Variants in ASCC3 observed in about 807,000 individuals in gnomAD.
ASCC3 encodes activating signal cointegrator 1 complex subunit 3, also known as ASC-1 complex subunit P200.
ASCC3 carries 158 observed loss-of-function variants against 256.3 expected under a neutral mutation model. That is an observed-to-expected ratio of 0.62 (90% CI 0.54 to 0.70). ASCC3 has a LOEUF of 0.70. Ranked by LOEUF, ASCC3 falls within the 30% of genes least tolerant of loss-of-function variation. ASCC3 has a pLI of 0.00. For missense variants in ASCC3, 2,259 were observed against 2,626.0 expected (o/e 0.86, Z 3.05); for synonymous variants, 948 against 883.4 (o/e 1.07, Z -1.30).
At chr6:100,605,923 A>C (rs1772861369) in intron 32 of ASCC3, among the ~76,000 whole-genome samples, 1 of 152,126 alleles carries the variant, frequency 6.6e-6, no homozygotes, top group Non-Finnish European at 1.5e-5. Context: ...TGAAAAACTG[A>C]GTCTTTGAAA....
At chr6:100,620,671 G>A (rs911118819) in intron 30 of ASCC3, among the ~76,000 whole-genome samples, 5 of 151,984 alleles carry the variant, frequency 3.3e-5, no homozygotes, top group Admixed American at 6.6e-5. Context: ...ATAGTTGCCG[G>A]GATAACTGCT....
In ASCC3 at chr6:100,573,938, T is replaced by C. The variant is rs115542190; in HGVS notation, c.5550+15696A>G. Among the ~76,000 whole-genome samples the C allele has an allele frequency of 3.0e-3, 458 of 152,236 alleles. 4 individuals are homozygous for C. Among genetic ancestry groups the C allele is most frequent in the African/African-American group, 0.011 (447 of 41,550 alleles). ...CCCCGGGGAGCTTGGTGTTCCAATC[T>C]TGCCCATAGGATAGGCTGGTAACTC... On this transcript the variant is annotated intron_variant, in intron 36 of 41. Transcript: ENST00000369162.
chr6:100,812,390 T>C (rs1261965746), intron 4 of ASCC3, among the ~76,000 whole-genome samples: 1 of 151,914 alleles, frequency 6.6e-6, no homozygotes, highest in Non-Finnish European at 1.5e-5. Flanking sequence ...AAGTAGGCAT[T>C]GTAAATATGT....
chr6:100,512,794 T>C lies in ASCC3; in HGVS notation c.6200A>G (p.Asp2067Gly). 6.2e-7 allele frequency: 1 copy of C among 1,614,154 alleles called. No individual in the cohort carries two copies. The highest frequency in any genetic ancestry group is 8.5e-7 in the Non-Finnish European group (1 of 1,179,988). The change falls in exon 40 of 42, where the codon GAT becomes GGT. Residue 2067 changes from aspartate to glycine, a missense_variant. Coordinates refer to ENST00000369162, the MANE Select transcript of ASCC3 (RefSeq NM_006828.4). ...SVSTLTADKR[D>G]DNKWIKLHAD... ...ATGCAATTTGATCCATTTGTTGTCATCTCGTTTGTCTGCAGTCAGAGTTGA... is the reference window on the plus strand; with the variant it reads ...ATGCAATTTGATCCATTTGTTGTCACCTCGTTTGTCTGCAGTCAGAGTTGA...
At chr6:100,847,066 T>C (rs559919173) in intron 4 of ASCC3, among the ~76,000 whole-genome samples, 2 of 152,272 alleles carry the variant, frequency 1.3e-5, no homozygotes, top group Admixed American at 1.3e-4. Flanking sequence ...TCAGATTCAG[T>C]TACATACTTT....
intron 25 of ASCC3, 38 bp downstream of exon 25, chr6:100,638,563 T>A (rs1774958982): frequency 6.6e-7 from 1 of 1,505,714 alleles, no homozygotes. Flanking sequence ...ATGAACTGTC[T>A]TTTCTAATTA....
chr6:100,543,020 AG>A (rs1467192556), intron 36 of ASCC3, among the ~76,000 whole-genome samples: 1 of 152,258 alleles, frequency 6.6e-6, no homozygotes, highest in African/African-American at 2.4e-5. Flanking sequence ...ATACATAATT[AG>A]AGTTTATTAT....
chr6:100,694,155 T>G (rs1777967376), intron 13 of ASCC3, among the ~76,000 whole-genome samples: 1 of 151,818 alleles, frequency 6.6e-6, no homozygotes, highest in Non-Finnish European at 1.5e-5. Context: ...GGGAAAAAAA[T>G]TGGTAAAAAT....
At chr6:100,568,499 A>C (rs1306881633) in intron 36 of ASCC3, among the ~76,000 whole-genome samples, 1 of 151,764 alleles carries the variant, frequency 6.6e-6, no homozygotes, top group Non-Finnish European at 1.5e-5. Flanking sequence ...TCTTCTTTTG[A>C]GAAGTGTCTG....
At chr6:100,645,686 G>C (rs963603822) in intron 22 of ASCC3, among the ~76,000 whole-genome samples, 4 of 151,926 alleles carry the variant, frequency 2.6e-5, no homozygotes, top group African/African-American at 9.7e-5. Context: ...TACAAAAATA[G>C]ATCTTTAAAA....
intron 30 of ASCC3, among the ~76,000 whole-genome samples, chr6:100,618,871 T>G (rs1562171615): frequency 6.6e-6 from 1 of 152,218 alleles, no homozygotes; most frequent in Non-Finnish European, 1.5e-5. Flanking sequence ...TTATACATCA[T>G]GACGATACCC....
At chr6:100,545,131 C>A (rs1775648440) in intron 36 of ASCC3, among the ~76,000 whole-genome samples, 2 of 152,118 alleles carry the variant, frequency 1.3e-5, no homozygotes, top group African/African-American at 4.8e-5. Context: ...TCTCAGCAAA[C>A]TAAGAAAAGG....
At chr6:100,521,600 T>TA (rs1387667938) in intron 37 of ASCC3, among the ~76,000 whole-genome samples, 1 of 152,168 alleles carries the variant, frequency 6.6e-6, no homozygotes, top group Non-Finnish European at 1.5e-5. Context: ...AGGCATCCAC[T>TA]GGGGGTCTTG....
At position 100,671,308 on chromosome 6, in the gene ASCC3, A is replaced by G. The variant is rs1473748692; in HGVS notation, c.2286+8310T>C. Among the ~76,000 whole-genome samples the G allele has an allele frequency of 5.9e-5, 9 of 152,130 alleles. No individual in the cohort carries two copies. The East Asian group carries it at 1.2e-3, about 20-fold the overall frequency. ...CATCAGAAAAATCACTGCTTTTTCT[A>G]CTCGGTTCTCCAAAGCTAGCACTAC... On this transcript the variant is annotated intron_variant, in intron 14 of 41. Coordinates refer to ENST00000369162, the MANE Select transcript of ASCC3 (RefSeq NM_006828.4).
intron 8 of ASCC3, among the ~76,000 whole-genome samples, chr6:100,790,774 T>C (rs1001338825): frequency 6.6e-5 from 10 of 151,996 alleles, no homozygotes; most frequent in Admixed American, 3.9e-4. Context: ...GAAAATTATT[T>C]TGTTTGATTA....
intron 14 of ASCC3, among the ~76,000 whole-genome samples, chr6:100,664,143 A>C (rs901009541): frequency 2.0e-5 from 3 of 152,150 alleles, no homozygotes; most frequent in Non-Finnish European, 4.4e-5. Flanking sequence ...ATATAGTTAA[A>C]GCTTCTGTTT....
rs1769950227 is a variant in ASCC3 at position 100,802,190 on chromosome 6, TTC to T, written c.923-1688_923-1687del. Among the ~76,000 whole-genome samples the T allele has an allele frequency of 6.6e-5, 10 of 151,982 alleles. No individual in the cohort carries two copies. The South Asian group carries it at 2.1e-3, about 32-fold the overall frequency. ...AAGCAGTGAATGTTTAAATGTATGG[TTC>T]TCCTTGCTGGGTTAGGTTAACTGTA... On this transcript the variant is annotated intron_variant, in intron 5 of 41. Coordinates refer to ENST00000369162, the MANE Select transcript of ASCC3 (RefSeq NM_006828.4).
chr6:100,842,958 GA>G (rs1772217060), intron 4 of ASCC3, among the ~76,000 whole-genome samples: 1 of 152,084 alleles, frequency 6.6e-6, no homozygotes, highest in Non-Finnish European at 1.5e-5. Context: ...CTGGGTGACA[GA>G]ATGAGACTCT....
chr6:100,593,185 G>A (rs966625682), intron 34 of ASCC3, among the ~76,000 whole-genome samples: 4 of 151,976 alleles, frequency 2.6e-5, no homozygotes, highest in Non-Finnish European at 4.4e-5. Context: ...GAAAGCCAGC[G>A]GGATCACAAT....
Sources: gnomAD v4.1 joint callset for allele counts (sites outside exome capture counted in the v4.1 genomes callset) on GRCh38, gnomAD v4.1.1 for gene constraint, MANE v1.5 for transcripts, NCBI Gene and HGNC (gene_info 2026-07-23, HGNC 2026-07-21) for gene names.